RAB3IP: variants seen among roughly 807,000 people sequenced by gnomAD.
RAB3IP encodes the protein rab-3A-interacting protein.
A neutral mutation model predicts 59.1 loss-of-function variants in RAB3IP; 36 were observed. That is an observed-to-expected ratio of 0.61 (90% CI 0.47 to 0.80). The LOEUF (loss-of-function observed/expected upper bound fraction) is 0.80. Ranked by LOEUF, RAB3IP falls within the 30% of genes least tolerant of loss-of-function variation. The pLI is 0.00. For missense variants in RAB3IP, 511 were observed against 536.0 expected (o/e 0.95, Z 0.46); for synonymous variants, 207 against 191.2 (o/e 1.08, Z -0.68).
chr12:69,796,466 TTTC>T (rs775500190), intron 6 of RAB3IP: 2 of 418,368 alleles, frequency 4.8e-6, no homozygotes, highest in South Asian at 7.4e-5. Context: ...AGCTTTCCCA[TTTC>T]TTCTTAGAAG....
At chr12:69,810,664 T>C (rs750802069) in intron 8 of RAB3IP, among the ~76,000 whole-genome samples, 3 of 151,848 alleles carry the variant, frequency 2.0e-5, no homozygotes, top group Non-Finnish European at 4.4e-5. Context: ...AGATGTGACA[T>C]TTTAAGAAAG....
In RAB3IP at chr12:69,783,322, A is replaced by G. The variant is rs550604946; in HGVS notation, c.511-1398A>G. On this transcript the variant is annotated intron_variant, in intron 3 of 10. Coordinates refer to ENST00000247833, the MANE Select transcript of RAB3IP (RefSeq NM_022456.5). ...AGCGCACTGTTTCTGAGAGCTTTAC[A>G]TGCTTAGCATCCCATCATAGGATAC... Among the ~76,000 whole-genome samples, 10 of 152,262 alleles carry G rather than the reference A, an allele frequency of 6.6e-5. No homozygotes were observed. The East Asian group carries it at 1.4e-3, about 21-fold the overall frequency.
upstream of RAB3IP, chr12:69,738,350 C>T (rs1886874580): frequency 6.6e-6 from 1 of 152,136 alleles, no homozygotes; most frequent in Admixed American, 6.5e-5. Flanking sequence ...CAGGTACAGA[C>T]ATGACATTCT....
intron 3 of RAB3IP, among the ~76,000 whole-genome samples, chr12:69,760,486 C>G (rs994315060): frequency 6.6e-6 from 1 of 152,192 alleles, no homozygotes; most frequent in East Asian, 1.9e-4. Flanking sequence ...GGGACTTGCT[C>G]TGTGTGTTCA....
chr12:69,797,477 CTTTTTTTTTTTT>C, intron 6 of RAB3IP, among the ~76,000 whole-genome samples: 4 of 54,944 alleles, frequency 7.3e-5, no homozygotes, highest in South Asian at 1.6e-3. Context: ...TCTTTTCTTT[CTTTTTTTTTTTT>C]TTTTTTTTTT....
At chr12:69,785,205 T>G (rs971901650) in intron 4 of RAB3IP, among the ~76,000 whole-genome samples, 1 of 152,196 alleles carries the variant, frequency 6.6e-6, no homozygotes, top group African/African-American at 2.4e-5. Flanking sequence ...AAGGCACATC[T>G]ACTTGTAAGA....
intron 6 of RAB3IP, chr12:69,796,787 T>C: frequency 2.3e-6 from 1 of 438,084 alleles, no homozygotes; most frequent in South Asian, 5.5e-5. Flanking sequence ...TTTAATTGCC[T>C]GGTACAACTT....
chr12:69,770,117 C>A (rs1872863057), intron 3 of RAB3IP, among the ~76,000 whole-genome samples: 1 of 151,998 alleles, frequency 6.6e-6, no homozygotes, highest in Admixed American at 6.6e-5. Flanking sequence ...ATAAAAATTC[C>A]AGTTGGAAAA....
At chr12:69,753,336 G>A (rs1475925213) in intron 1 of RAB3IP, among the ~76,000 whole-genome samples, 1 of 152,102 alleles carries the variant, frequency 6.6e-6, no homozygotes, top group African/African-American at 2.4e-5. Flanking sequence ...AAGAAATGAT[G>A]TGCTATATTG....
At chr12:69,761,793 T>C (rs1871348106) in intron 3 of RAB3IP, among the ~76,000 whole-genome samples, 1 of 152,232 alleles carries the variant, frequency 6.6e-6, no homozygotes, top group East Asian at 1.9e-4. Flanking sequence ...CCCCAAATTT[T>C]CGTGACTTTA....
At chr12:69,744,373 C>T (rs777468433) in intron 1 of RAB3IP, among the ~76,000 whole-genome samples, 15 of 152,034 alleles carry the variant, frequency 9.9e-5, no homozygotes, top group Admixed American at 2.0e-4. Flanking sequence ...TGAAAACTGT[C>T]AACATAACAC....
At chr12:69,802,309 T>A (rs1040423213) in intron 8 of RAB3IP, among the ~76,000 whole-genome samples, 3 of 152,126 alleles carry the variant, frequency 2.0e-5, no homozygotes, top group Non-Finnish European at 2.9e-5. Flanking sequence ...GAGATCTCTC[T>A]TTTCATATTG....
intron 3 of RAB3IP, among the ~76,000 whole-genome samples, chr12:69,764,655 A>G (rs1565885956): frequency 6.7e-6 from 1 of 150,172 alleles, no homozygotes; most frequent in Admixed American, 6.6e-5. Context: ...GTTTTTAAAT[A>G]CTTTTTTTTT....
intron 1 of RAB3IP, among the ~76,000 whole-genome samples, chr12:69,745,065 C>T (rs891397669): frequency 2.6e-5 from 4 of 152,192 alleles, no homozygotes; most frequent in East Asian, 1.9e-4. Context: ...TAAGTAGACA[C>T]AATAGTATAA....
chr12:69,787,092 CTT>C (rs886523699), intron 4 of RAB3IP, among the ~76,000 whole-genome samples: 20 of 152,174 alleles, frequency 1.3e-4, no homozygotes, highest in African/African-American at 4.6e-4. Flanking sequence ...GTTTGCATAT[CTT>C]TTTAGGAATT....
intron 8 of RAB3IP, among the ~76,000 whole-genome samples, chr12:69,804,917 AG>A (rs1879005968): frequency 1.3e-5 from 2 of 152,210 alleles, no homozygotes; most frequent in South Asian, 4.1e-4. Context: ...TATAGTTTGA[AG>A]TCAGGTAGCG....
At chr12:69,801,580 G>A (rs752327420) in intron 7 of RAB3IP, 29 bp from the exon 8 acceptor site, 5 of 1,311,688 alleles carry the variant, frequency 3.8e-6, no homozygotes, top group Admixed American at 1.9e-5. Context: ...TGCCAGTATA[G>A]CATCTAGTAC....
At chr12:69,798,181 AC>A (rs1414633329) in intron 6 of RAB3IP, among the ~76,000 whole-genome samples, 4 of 152,116 alleles carry the variant, frequency 2.6e-5, no homozygotes, top group Non-Finnish European at 5.9e-5. Context: ...CCTCTCCAGC[AC>A]CTGTTGTTTC....
intron 8 of RAB3IP, among the ~76,000 whole-genome samples, chr12:69,805,493 T>G (rs543230185): frequency 1.8e-4 from 27 of 152,270 alleles, no homozygotes; most frequent in African/African-American, 5.8e-4. Context: ...TTTATTCCCT[T>G]CTCCTGCCTG....
Sources: gnomAD v4.1 joint callset for allele counts (sites outside exome capture counted in the v4.1 genomes callset) on GRCh38, gnomAD v4.1.1 for gene constraint, MANE v1.5 for transcripts, NCBI Gene and HGNC (gene_info 2026-07-23, HGNC 2026-07-21) for gene names.